GRID1: variants seen among roughly 807,000 people sequenced by gnomAD.
GRID1 encodes the protein glutamate ionotropic receptor delta type subunit 1.
Under a neutral mutation model 98.0 loss-of-function variants are expected in GRID1, and 28 were observed. That is an observed-to-expected ratio of 0.29 (90% CI 0.21 to 0.39). The LOEUF (loss-of-function observed/expected upper bound fraction) is 0.39, where lower values mean the gene tolerates loss of function less well. Ranked by LOEUF, GRID1 falls within the 10% of genes least tolerant of loss-of-function variation. GRID1 has a pLI of 1.00. For synonymous variants in GRID1, 553 were observed against 538.5 expected (o/e 1.03, Z -0.37); for missense variants, 1,111 against 1,340.5 (o/e 0.83, Z 2.67).
chr10:85,878,301 T>C (rs1023892615), intron 5 of GRID1, among the ~76,000 whole-genome samples: 11 of 151,888 alleles, frequency 7.2e-5, no homozygotes, highest in African/African-American at 2.7e-4. Context: ...GAAGAGCAAC[T>C]CCAAGACACA....
intron 2 of GRID1, among the ~76,000 whole-genome samples, chr10:86,324,448 CT>C (rs1033062548): frequency 1.2e-4 from 19 of 152,120 alleles, no homozygotes; most frequent in Non-Finnish European, 2.4e-4. Context: ...GGGGAGGGGA[CT>C]TTTTGGTTGT....
At chr10:86,021,768 G>C (rs1843052808) in intron 4 of GRID1, among the ~76,000 whole-genome samples, 4 of 152,118 alleles carry the variant, frequency 2.6e-5, no homozygotes, top group Admixed American at 2.6e-4. Flanking sequence ...CACCTGCGTA[G>C]TATATTCTGT....
chr10:85,666,755 T>A (rs1322916180), intron 12 of GRID1, among the ~76,000 whole-genome samples: 2 of 152,122 alleles, frequency 1.3e-5, no homozygotes, highest in African/African-American at 4.8e-5. Flanking sequence ...TGGACATCTA[T>A]GGGCATCTAA....
intron 4 of GRID1, among the ~76,000 whole-genome samples, chr10:86,011,958 G>A (rs942098728): frequency 1.9e-4 from 29 of 152,146 alleles, no homozygotes; most frequent in African/African-American, 4.8e-5. Flanking sequence ...AGGAGCTCAA[G>A]ACCAGCCTGG....
intron 2 of GRID1, among the ~76,000 whole-genome samples, chr10:86,256,956 C>A (rs1374366799): frequency 6.6e-6 from 1 of 152,228 alleles, no homozygotes; most frequent in Non-Finnish European, 1.5e-5. Flanking sequence ...CTGCATCCTT[C>A]TCTCAGGCTC....
At chr10:86,290,483 C>CAAAAAA (rs1215718966) in intron 2 of GRID1, among the ~76,000 whole-genome samples, 2 of 152,018 alleles carry the variant, frequency 1.3e-5, no homozygotes, top group Non-Finnish European at 2.9e-5. Flanking sequence ...TCCATCTCTA[C>CAAAAAA]TAAAAATAAA....
intron 15 of GRID1, among the ~76,000 whole-genome samples, chr10:85,605,073 C>G (rs1392587859): frequency 6.6e-6 from 1 of 152,162 alleles, no homozygotes; most frequent in Non-Finnish European, 1.5e-5. Context: ...GGGACTCTGC[C>G]AAACTTTCTT....
intron 4 of GRID1, among the ~76,000 whole-genome samples, chr10:86,073,181 G>T (rs1405116170): frequency 6.6e-6 from 1 of 152,202 alleles, no homozygotes; most frequent in African/African-American, 2.4e-5. Flanking sequence ...TGATTAAAAT[G>T]ATTAGCCAAA....
chr10:86,162,881 T>C (rs1434721163), intron 3 of GRID1, among the ~76,000 whole-genome samples: 1 of 152,128 alleles, frequency 6.6e-6, no homozygotes, highest in East Asian at 1.9e-4. Flanking sequence ...GGTTGCAGAT[T>C]TCTCTCCAGG....
intron 15 of GRID1, among the ~76,000 whole-genome samples, chr10:85,609,892 A>G (rs1331127356): frequency 2.0e-5 from 3 of 152,216 alleles, no homozygotes; most frequent in African/African-American, 7.2e-5. Context: ...TACTGCATCC[A>G]TGGAGTTTGG....
intron 2 of GRID1, among the ~76,000 whole-genome samples, chr10:86,303,615 A>G (rs1400377055): frequency 6.6e-6 from 1 of 152,158 alleles, no homozygotes; most frequent in Non-Finnish European, 1.5e-5. Flanking sequence ...GCTCCCTTTT[A>G]CAGATGAGGA....
rs7914244 is a variant in GRID1 at position 85,674,613 on chromosome 10, G to A, written c.1998-27216C>T. Among the ~76,000 whole-genome samples, 370 of 152,182 alleles carry A rather than the reference G, an allele frequency of 2.4e-3. 2 individuals are homozygous for A. The highest frequency in any genetic ancestry group is 0.014 in the Middle Eastern group (4 of 294). The stretch of plus-strand genomic sequence containing the variant: ...GATCTGGAGGCTCTGAGAGGTTAAG[G>A]GTTATTCAAGATCACATAGTTAATA... On this transcript the variant is annotated intron_variant, in intron 12 of 15. Transcript: ENST00000327946.
intron 2 of GRID1, among the ~76,000 whole-genome samples, chr10:86,268,188 T>C (rs1847133225): frequency 1.3e-5 from 2 of 152,168 alleles, no homozygotes; most frequent in South Asian, 4.1e-4. Context: ...AGGGTATCCA[T>C]AGTTAACTGC....
At chr10:85,691,574 G>C (rs974045014) in intron 12 of GRID1, among the ~76,000 whole-genome samples, 1 of 152,054 alleles carries the variant, frequency 6.6e-6, no homozygotes. Context: ...ACCTCAAAAT[G>C]TTCCTTTTTC....
chr10:85,702,811 G>C (rs1314106225), intron 12 of GRID1, among the ~76,000 whole-genome samples: 2 of 151,580 alleles, frequency 1.3e-5, no homozygotes, highest in African/African-American at 4.8e-5. Flanking sequence ...AAAGGAAGGG[G>C]AGGAAAAGAA....
intron 2 of GRID1, among the ~76,000 whole-genome samples, chr10:86,212,407 G>A (rs544007353): frequency 2.0e-4 from 31 of 152,220 alleles, no homozygotes; most frequent in Non-Finnish European, 4.6e-4. Flanking sequence ...CCAAATGGAT[G>A]AGGCAAGAGA....
chr10:86,034,187 C>T (rs2352171), intron 4 of GRID1, among the ~76,000 whole-genome samples: 5,312 of 152,126 alleles, frequency 0.035, 155 homozygotes, highest in South Asian at 0.16. Flanking sequence ...AACAGATGTC[C>T]TTGTGAGTTG....
At chr10:86,019,423 G>T (rs1413461045) in intron 4 of GRID1, among the ~76,000 whole-genome samples, 2 of 152,206 alleles carry the variant, frequency 1.3e-5, no homozygotes, top group East Asian at 3.9e-4. Context: ...TCAGGGAGAG[G>T]GCTCCTGGGG....
chr10:85,621,334 G>T (rs1439140169), intron 13 of GRID1, among the ~76,000 whole-genome samples: 3 of 152,144 alleles, frequency 2.0e-5, no homozygotes, highest in South Asian at 4.2e-4. Context: ...CAAGCTACAG[G>T]CTTCTTGGCA....
Sources: gnomAD v4.1 joint callset for allele counts (sites outside exome capture counted in the v4.1 genomes callset) on GRCh38, gnomAD v4.1.1 for gene constraint, MANE v1.5 for transcripts, NCBI Gene and HGNC (gene_info 2026-07-23, HGNC 2026-07-21) for gene names.